PCNX2: variants seen among roughly 807,000 people sequenced by gnomAD.
PCNX2 encodes the protein pecanex 2, also known as pecanex-like protein 2.
PCNX2 carries 168 observed loss-of-function variants against 223.8 expected under a neutral mutation model. That is an observed-to-expected ratio of 0.75 (90% CI 0.66 to 0.85). PCNX2 has a LOEUF of 0.85. Among genes scored for constraint, PCNX2 ranks in the 40% least tolerant of loss-of-function variants. The probability of loss-of-function intolerance (pLI) is 0.00; values close to 1 mark genes in which losing one functional copy is unlikely to be tolerated. For synonymous variants in PCNX2, 1,006 were observed against 1,052.6 expected (o/e 0.96, Z 0.86); for missense variants, 2,507 against 2,675.5 (o/e 0.94, Z 1.39).
In PCNX2 at chr1:233,112,753, G is replaced by A. The variant is rs1461191538; in HGVS notation, c.3838-16890C>T. 7.8e-6 allele frequency: 8 copies of A among 1,031,564 alleles called. No homozygotes were observed. The African/African-American group carries it at 1.4e-4, about 17-fold the overall frequency. 63.9% of individuals were successfully genotyped at this position (1,031,564 alleles called of 1,614,324 possible). A position where few individuals can be genotyped will look rare whatever the true frequency, so the allele number is the denominator to read the frequency against. On this transcript the variant is annotated intron_variant, in intron 21 of 33. Transcript: ENST00000258229. ...TCACATATTTATTATAGTATACTTT[G>A]GCATGAGAATTAAGCAAAAATGAAG...
At chr1:233,272,926 A>G (rs1558414101) in intron 1 of PCNX2, among the ~76,000 whole-genome samples, 1 of 152,182 alleles carries the variant, frequency 6.6e-6, no homozygotes, top group Non-Finnish European at 1.5e-5. Flanking sequence ...GCTCTCACTC[A>G]TAAGTGGGAG....
At chr1:233,094,777 T>C (rs1455058651) in intron 22 of PCNX2, among the ~76,000 whole-genome samples, 1 of 152,168 alleles carries the variant, frequency 6.6e-6, no homozygotes, top group Non-Finnish European at 1.5e-5. Context: ...CCCTGATGGA[T>C]TGCCAGAGTT....
the PCNX2 span, among the ~76,000 whole-genome samples, chr1:233,306,403 A>G: frequency 6.6e-6 from 1 of 152,350 alleles, no homozygotes; most frequent in South Asian, 2.1e-4. Flanking sequence ...AACAACATGT[A>G]GATATCCAGT....
At chr1:233,086,378 C>G (rs538142382) in intron 23 of PCNX2, among the ~76,000 whole-genome samples, 1 of 152,264 alleles carries the variant, frequency 6.6e-6, no homozygotes, top group African/African-American at 2.4e-5. Context: ...TCAGTTCCAG[C>G]CGGGTGCAGT....
intron 21 of PCNX2, among the ~76,000 whole-genome samples, chr1:233,128,828 A>C (rs145320293): frequency 2.0e-3 from 305 of 152,352 alleles, no homozygotes; most frequent in Non-Finnish European, 2.7e-3. Flanking sequence ...ATGACTGAAG[A>C]AGCAAGATAA....
intron 22 of PCNX2, among the ~76,000 whole-genome samples, chr1:233,091,575 T>TA (rs1375379276): frequency 2.0e-5 from 3 of 151,696 alleles, no homozygotes; most frequent in Non-Finnish European, 4.4e-5. Flanking sequence ...AAAATCAGAT[T>TA]AAAAAAACGT....
At chr1:233,129,056 GTGGGGGCCCCTCTC>G (rs1676271808) in intron 21 of PCNX2, among the ~76,000 whole-genome samples, 1 of 152,268 alleles carries the variant, frequency 6.6e-6, no homozygotes, top group South Asian at 2.1e-4. Context: ...CCACTGCGCT[GTGGGGGCCCCTCTC>G]TGGGGTGGTT....
At chr1:233,304,226 G>A in the PCNX2 span, among the ~76,000 whole-genome samples, 2 of 152,142 alleles carry the variant, frequency 1.3e-5, no homozygotes, top group Non-Finnish European at 2.9e-5. Context: ...TGAAGAAGTG[G>A]CACAGAGGAG....
chr1:233,057,536 G>A (rs1351496295), intron 23 of PCNX2: 1 of 424,884 alleles, frequency 2.4e-6, no homozygotes, highest in East Asian at 4.1e-5. Context: ...GAACGGTCTT[G>A]TGTCTTAATC....
rs182213476 is a variant in PCNX2, at chr1:233,293,905, A to C, written c.153+1421T>G. The C allele has an allele frequency of 1.9e-5, 18 of 948,854 alleles. No individual in the cohort carries two copies. The Admixed American group carries it at 4.3e-4, about 23-fold the overall frequency. 58.8% of individuals were successfully genotyped at this position (948,854 alleles called of 1,614,324 possible). On this transcript the variant is annotated intron_variant, in intron 1 of 33. Coordinates refer to ENST00000258229, the MANE Select transcript of PCNX2 (RefSeq NM_014801.4). ...CATGACTTTGCTATGCTGTCCCTCTAGGAAAAGAGAAACCACTGGGGCCCA... is the reference window on the plus strand; with the variant it reads ...CATGACTTTGCTATGCTGTCCCTCTCGGAAAAGAGAAACCACTGGGGCCCA...
intron 15 of PCNX2, among the ~76,000 whole-genome samples, chr1:233,198,480 T>C (rs1177714379): frequency 4.6e-5 from 7 of 152,240 alleles, no homozygotes; most frequent in Non-Finnish European, 7.3e-5. Flanking sequence ...AGGTTTGCAT[T>C]TTCCCCTTCT....
chr1:233,204,014 G>A lies in PCNX2; in HGVS notation c.2864-3750C>T, dbSNP rs140580348. Among the ~76,000 whole-genome samples, 259 of 152,270 alleles carry A rather than the reference G, an allele frequency of 1.7e-3. 1 individual carries two copies. The highest frequency in any genetic ancestry group is 5.6e-3 in the African/African-American group (233 of 41,556). ...TTGTCCTTTTTCTTAAACGCTCCTCGTTATAGGTTGAATTATGTTCCCACA... is the reference window on the plus strand; with the variant it reads ...TTGTCCTTTTTCTTAAACGCTCCTCATTATAGGTTGAATTATGTTCCCACA... On this transcript the variant is annotated intron_variant, in intron 13 of 33. Coordinates refer to ENST00000258229, the MANE Select transcript of PCNX2 (RefSeq NM_014801.4).
chr1:233,319,566 C>T, the PCNX2 span, among the ~76,000 whole-genome samples: 30 of 152,172 alleles, frequency 2.0e-4, no homozygotes, highest in Non-Finnish European at 4.1e-4. Flanking sequence ...TCTCATTTGC[C>T]TTTAGTAACA....
rs151106660 is a variant in PCNX2, at chr1:232,988,157, TG to T, written c.5792-1618del. 6.0e-4 allele frequency among the ~76,000 whole-genome samples: 92 copies of T among 152,378 alleles called. 1 individual carries two copies. The East Asian group carries it at 0.012, about 19-fold the overall frequency. On this transcript the variant is annotated intron_variant, in intron 32 of 33. Transcript: ENST00000258229. ...GAGGGCGATTTGTTAGTTTATTCAG[TG>T]TCTGGCAAGGCCGGACGTGTGTTTG...
chr1:233,057,833 C>A (rs2102881007), intron 23 of PCNX2: 1 of 972,478 alleles, frequency 1.0e-6, no homozygotes, highest in South Asian at 4.8e-5. Flanking sequence ...GCACTCCAAC[C>A]TGGGTGACAG....
intron 14 of PCNX2, among the ~76,000 whole-genome samples, chr1:233,199,345 G>A (rs541576291): frequency 2.0e-5 from 3 of 152,276 alleles, no homozygotes; most frequent in Admixed American, 2.0e-4. Flanking sequence ...TCAAGGAAAA[G>A]GTCCTAGATA....
In PCNX2 at chr1:233,200,162, C is replaced by G; in HGVS notation, c.2966G>C (p.Gly989Ala). The G allele has an allele frequency of 6.3e-7, 1 of 1,579,352 alleles. No homozygotes were observed. The highest frequency in any genetic ancestry group is 8.6e-7 in the Non-Finnish European group (1 of 1,160,642). The change falls in exon 14 of 34, where the codon GGT becomes GCT. Residue 989 changes from glycine to alanine, a missense_variant. Coordinates refer to ENST00000258229, the MANE Select transcript of PCNX2 (RefSeq NM_014801.4). ...GAATGTAAACGACTTACCAGAACCA[C>G]CAAAAAACAGCATGTCAATTTGCTC... ...LLEQIDMLFF[G>A]GSAVSGITSA... is the part of the protein sequence containing the mutation.
rs1482691126 is a variant in PCNX2 at position 233,258,560 on chromosome 1, G to A, written c.1302C>T (p.Asp434=). 3 of 1,613,914 alleles carry A rather than the reference G, an allele frequency of 1.9e-6. No homozygotes were observed. In the East Asian group the frequency reaches 6.7e-5, roughly 36 times the overall value. The change falls in exon 5 of 34, where the codon GAC becomes GAT. Residue 434 remains aspartate, a synonymous_variant. Coordinates refer to ENST00000258229, the MANE Select transcript of PCNX2 (RefSeq NM_014801.4). The part of the protein sequence containing the change: ...EQISIPVITL[D]LPEGGGGGVP... ...CACCTCCTCCCCCACCCTCAGGCAG[G>A]TCCAGGGTGATTACAGGAATTGAGA...
intron 8 of PCNX2, among the ~76,000 whole-genome samples, chr1:233,248,415 T>C (rs944409290): frequency 6.6e-6 from 1 of 151,820 alleles, no homozygotes; most frequent in Non-Finnish European, 1.5e-5. Context: ...TTCCATGGGA[T>C]CTATGAGAAA....
Sources: gnomAD v4.1 joint callset for allele counts (sites outside exome capture counted in the v4.1 genomes callset) on GRCh38, gnomAD v4.1.1 for gene constraint, MANE v1.5 for transcripts, NCBI Gene and HGNC (gene_info 2026-07-23, HGNC 2026-07-21) for gene names.